PALLD: variants seen among roughly 807,000 people sequenced by gnomAD.
PALLD encodes the protein palladin, cytoskeletal associated protein.
PALLD carries 61 observed loss-of-function variants against 123.5 expected under a neutral mutation model. The observed-to-expected ratio is 0.49, with a 90% CI of 0.40 to 0.61. PALLD has a LOEUF of 0.61. PALLD is among the 20% of genes least tolerant of loss of function. The pLI, the probability that PALLD is intolerant of heterozygous loss-of-function variation, is 0.00. For synonymous variants in PALLD, 465 were observed against 496.4 expected (o/e 0.94, Z 0.84); for missense variants, 1,273 against 1,377.0 (o/e 0.92, Z 1.20).
At chr4:168,823,141 T>A (rs993961706) in intron 10 of PALLD, among the ~76,000 whole-genome samples, 2 of 152,212 alleles carry the variant, frequency 1.3e-5, no homozygotes, top group South Asian at 2.1e-4. Flanking sequence ...TATTTATTTA[T>A]GTTCACTTTT....
At chr4:168,513,943 A>G (rs974048143) in intron 2 of PALLD, among the ~76,000 whole-genome samples, 44 of 152,014 alleles carry the variant, frequency 2.9e-4, no homozygotes, top group Admixed American at 1.9e-3. Flanking sequence ...CCTCTCTACT[A>G]AAAATACAAA....
intron 10 of PALLD, among the ~76,000 whole-genome samples, chr4:168,761,661 TTTTTTTTTTTTTTTTGTAG>T (rs1732933684): frequency 7.3e-6 from 1 of 137,032 alleles, no homozygotes; most frequent in African/African-American, 2.7e-5. Context: ...TTTTTTTTTT[TTTTTTTTTTTTTTTTGTAG>T]TTTTTTGTTT....
At chr4:168,669,460 G>A (rs894402216) in intron 3 of PALLD, among the ~76,000 whole-genome samples, 29 of 152,090 alleles carry the variant, frequency 1.9e-4, no homozygotes, top group African/African-American at 5.6e-4. Flanking sequence ...GCCTGGTGGC[G>A]TGTACTTGTA....
At chr4:168,580,955 A>T (rs72697247) in intron 2 of PALLD, among the ~76,000 whole-genome samples, 13,942 of 151,852 alleles carry the variant, frequency 0.092, 870 homozygotes, top group South Asian at 0.17. Context: ...AAACAATGGA[A>T]ACTGGGGCCT....
At chr4:168,817,327 A>G (rs570115669) in intron 10 of PALLD, among the ~76,000 whole-genome samples, 1 of 152,348 alleles carries the variant, frequency 6.6e-6, no homozygotes, top group South Asian at 2.1e-4. Flanking sequence ...TTAGCCCAAG[A>G]TGATGGAAGT....
At chr4:168,615,509 T>A (rs776379884) in intron 2 of PALLD, among the ~76,000 whole-genome samples, 5 of 152,196 alleles carry the variant, frequency 3.3e-5, no homozygotes, top group Non-Finnish European at 7.3e-5. Flanking sequence ...AGTACTGACA[T>A]TACATTTCAA....
chr4:168,884,084 A>T (rs1367243706), intron 10 of PALLD, among the ~76,000 whole-genome samples: 1 of 152,132 alleles, frequency 6.6e-6, no homozygotes, highest in Non-Finnish European at 1.5e-5. Flanking sequence ...CTAACATAGC[A>T]TTAGTTTTAT....
At chr4:168,810,483 C>T (rs1032718313) in intron 10 of PALLD, among the ~76,000 whole-genome samples, 1 of 151,870 alleles carries the variant, frequency 6.6e-6, no homozygotes, top group Non-Finnish European at 1.5e-5. Context: ...GGTGAAACCC[C>T]GTCTCTACTA....
intron 10 of PALLD, among the ~76,000 whole-genome samples, chr4:168,730,300 G>C (rs1176207687): frequency 6.6e-6 from 1 of 151,906 alleles, no homozygotes; most frequent in African/African-American, 2.4e-5. Flanking sequence ...TAATTTCCAA[G>C]AGTTCTTTCT....
chr4:168,793,313 A>G (rs200768710), intron 10 of PALLD, among the ~76,000 whole-genome samples: 4 of 67,924 alleles, frequency 5.9e-5, no homozygotes, highest in Non-Finnish European at 7.0e-5. Flanking sequence ...ATACATATAT[A>G]TGTGTGCATA....
intron 3 of PALLD, among the ~76,000 whole-genome samples, chr4:168,675,335 C>G (rs1780726545): frequency 6.6e-6 from 1 of 152,288 alleles, no homozygotes; most frequent in South Asian, 2.1e-4. Context: ...GACACAGGTT[C>G]TCAGTGCTAC....
At chr4:168,791,179 C>T (rs1737469353) in intron 10 of PALLD, among the ~76,000 whole-genome samples, 1 of 152,176 alleles carries the variant, frequency 6.6e-6, no homozygotes, top group Non-Finnish European at 1.5e-5. Flanking sequence ...CTCTCCTCTG[C>T]ACAGTGACCT....
intron 2 of PALLD, among the ~76,000 whole-genome samples, chr4:168,574,496 C>A (rs1769341714): frequency 6.6e-6 from 1 of 152,094 alleles, no homozygotes; most frequent in African/African-American, 2.4e-5. Context: ...TTATGCAAGG[C>A]AGCATATTGC....
At chr4:168,728,256 C>A (rs1561454267) in intron 10 of PALLD, among the ~76,000 whole-genome samples, 2 of 152,044 alleles carry the variant, frequency 1.3e-5, no homozygotes, top group Non-Finnish European at 2.9e-5. Context: ...GACATTGGTA[C>A]TTTGACAGGA....
intron 16 of PALLD, 59 bp from the exon 17 acceptor site, chr4:168,915,836 A>G: frequency 7.3e-7 from 1 of 1,361,466 alleles, no homozygotes; most frequent in Non-Finnish European, 1.1e-6. Context: ...AGATGACTAA[A>G]AGTCTGGAAG....
intron 9 of PALLD, 72 bp from the exon 10 acceptor site, chr4:168,711,507 ACT>A (rs1427115314): frequency 8.8e-5 from 90 of 1,023,180 alleles, no homozygotes; most frequent in Non-Finnish European, 1.3e-4. Flanking sequence ...TTCTCAGAAG[ACT>A]CTGACAGTGT....
chr4:168,554,250 G>GT (rs1206087662), intron 2 of PALLD, among the ~76,000 whole-genome samples: 5 of 152,094 alleles, frequency 3.3e-5, no homozygotes, highest in African/African-American at 4.8e-5. Context: ...ATTTTTCTGA[G>GT]TTTTTTTCTC....
intron 10 of PALLD, among the ~76,000 whole-genome samples, chr4:168,819,435 G>A (rs1306426981): frequency 3.3e-5 from 5 of 151,910 alleles, no homozygotes; most frequent in Admixed American, 6.6e-5. Context: ...ATTAAACACC[G>A]TCATCAGCAG....
chr4:168,646,666 G>A (rs12643131), intron 2 of PALLD, among the ~76,000 whole-genome samples: 20,026 of 152,234 alleles, frequency 0.13, 1,494 homozygotes, highest in East Asian at 0.23. Flanking sequence ...TGGTTTCCCC[G>A]TGGTATCAGT....
Sources: allele counts gnomAD v4.1 joint callset (sites outside exome capture counted in the v4.1 genomes callset), GRCh38; gene constraint gnomAD v4.1.1; transcripts MANE v1.5; gene names NCBI Gene and HGNC (gene_info 2026-07-23, HGNC 2026-07-21).